CDH8: variants seen among roughly 807,000 people sequenced by gnomAD.
The protein encoded by CDH8 is cadherin-8.
A neutral mutation model predicts 68.1 loss-of-function variants in CDH8; 17 were observed. The observed-to-expected ratio is 0.25, with a 90% CI of 0.17 to 0.37. The LOEUF is 0.37. Ranked by LOEUF, CDH8 falls within the 10% of genes least tolerant of loss-of-function variation. CDH8 has a pLI of 1.00. For synonymous variants in CDH8, 372 were observed against 365.1 expected (o/e 1.02, Z -0.21); for missense variants, 763 against 999.3 (o/e 0.76, Z 3.19).
chr16:61,755,790 C>T (rs115784433), intron 8 of CDH8, among the ~76,000 whole-genome samples: 9,506 of 149,786 alleles, frequency 0.063, 1,036 homozygotes, highest in African/African-American at 0.22. Flanking sequence ...TCTCCTTCTC[C>T]GCCTTCTTCT....
intron 4 of CDH8, among the ~76,000 whole-genome samples, chr16:61,854,848 G>A (rs1043767758): frequency 6.6e-6 from 1 of 151,978 alleles, no homozygotes; most frequent in African/African-American, 2.4e-5. Context: ...CTCAAAGATA[G>A]AGTCTAATTT....
At chr16:61,993,137 T>G (rs936854783) in intron 2 of CDH8, among the ~76,000 whole-genome samples, 2 of 152,070 alleles carry the variant, frequency 1.3e-5, no homozygotes, top group East Asian at 1.9e-4. Context: ...CAAAGAAAAT[T>G]TTTCTATGTA....
At position 61,931,304 on chromosome 16, in the gene CDH8, C is replaced by T. The variant is rs138887584; in HGVS notation, c.253-29831G>A. Among the ~76,000 whole-genome samples, 153 of 152,154 alleles carry T rather than the reference C, an allele frequency of 1.0e-3. 2 individuals are homozygous for T. The East Asian group carries it at 0.023, about 23-fold the overall frequency. On this transcript the variant is annotated intron_variant, in intron 2 of 11. Coordinates refer to ENST00000577390, the MANE Select transcript of CDH8 (RefSeq NM_001796.5). ...TCAGCCTTCCGAGTAGCTGAGGCCA[C>T]GAGTGCACACAACCATGCACAGCTA...
chr16:61,842,886 T>C (rs573470741), intron 4 of CDH8, among the ~76,000 whole-genome samples: 50 of 152,316 alleles, frequency 3.3e-4, no homozygotes, highest in South Asian at 4.1e-4. Flanking sequence ...TGACATTTAC[T>C]GAAATGGTTG....
At chr16:61,972,545 CT>C (rs1011713878) in intron 2 of CDH8, among the ~76,000 whole-genome samples, 4 of 135,422 alleles carry the variant, frequency 3.0e-5, no homozygotes, top group African/African-American at 9.2e-5. Flanking sequence ...GAAAAATTGT[CT>C]TTTTTTTTCT....
chr16:62,015,401 G>T (rs1462304732), intron 2 of CDH8, among the ~76,000 whole-genome samples: 3 of 152,128 alleles, frequency 2.0e-5, no homozygotes, highest in African/African-American at 4.8e-5. Context: ...GCATGTGTGT[G>T]TGTGTTTGTG....
chr16:61,837,931 C>G (rs566796414), intron 4 of CDH8, among the ~76,000 whole-genome samples: 2 of 151,950 alleles, frequency 1.3e-5, no homozygotes, highest in African/African-American at 2.4e-5. Flanking sequence ...GTCTGACCTT[C>G]CTTGGAGGGA....
At chr16:61,709,482 A>G (rs375705204) in intron 10 of CDH8, among the ~76,000 whole-genome samples, 1 of 152,232 alleles carries the variant, frequency 6.6e-6, no homozygotes, top group East Asian at 1.9e-4. Flanking sequence ...CAGGCAGCAA[A>G]TTTTGGTTTT....
intron 7 of CDH8, among the ~76,000 whole-genome samples, chr16:61,807,492 C>G (rs1961820490): frequency 6.6e-6 from 1 of 151,384 alleles, no homozygotes; most frequent in South Asian, 2.1e-4. Flanking sequence ...AAACAAAAAA[C>G]AAAAAACAAA....
intron 8 of CDH8, among the ~76,000 whole-genome samples, chr16:61,740,008 A>G (rs937225413): frequency 2.0e-5 from 3 of 150,536 alleles, no homozygotes; most frequent in Non-Finnish European, 4.4e-5. Context: ...CCCGGGTTCA[A>G]GTGATTCTCC....
intron 2 of CDH8, among the ~76,000 whole-genome samples, chr16:61,993,126 T>C (rs551864595): frequency 1.3e-5 from 2 of 152,186 alleles, no homozygotes; most frequent in African/African-American, 2.4e-5. Context: ...TGTATTGGGC[T>C]CAAAGAAAAT....
Position 61,661,155 on chromosome 16 carries a change from A to G in CDH8, c.1655-5434T>C, listed in dbSNP as rs529840148. On this transcript the variant is annotated intron_variant, in intron 10 of 11. Coordinates refer to ENST00000577390, the MANE Select transcript of CDH8 (RefSeq NM_001796.5). Reference sequence around the variant, plus strand: ...ATAAAATATCTAGAAATTAAAAAGTAATAGTGGCATACTCTAATATCTCAC... The same window carrying G: ...ATAAAATATCTAGAAATTAAAAAGTGATAGTGGCATACTCTAATATCTCAC... Among the ~76,000 whole-genome samples the G allele has an allele frequency of 3.1e-3, 477 of 152,180 alleles. 2 individuals carry two copies. The highest frequency in any genetic ancestry group is 0.011 in the African/African-American group (455 of 41,556).
chr16:61,829,957 G>A (rs1036485254), intron 4 of CDH8, among the ~76,000 whole-genome samples: 6 of 151,312 alleles, frequency 4.0e-5, no homozygotes, highest in Admixed American at 3.3e-4. Flanking sequence ...TTCTTTTTGT[G>A]TTGGGCTTAT....
In CDH8 at chr16:61,650,706, T is replaced by TGTGTGTGA. The variant is rs745949180; in HGVS notation, c.*2901_*2902insTCACACAC. On this transcript the variant is annotated 3_prime_UTR_variant, in exon 12 of 12. Transcript: ENST00000577390. ...GTGTGTGTGTGTGTGTGTGTGTGTG[T>TGTGTGTGA]GAGAGAGAGAGAGAGAGAGAGAGAG... 2.6e-5 allele frequency: 3 copies of TGTGTGTGA among 116,594 alleles called. No individual in the cohort carries two copies. The highest frequency in any genetic ancestry group is 6.7e-5 in the African/African-American group (2 of 29,792). 7.2% of individuals were successfully genotyped at this position (116,594 alleles called of 1,614,324 possible).
At chr16:61,814,799 A>G (rs1385555561) in intron 7 of CDH8, among the ~76,000 whole-genome samples, 2 of 152,180 alleles carry the variant, frequency 1.3e-5, no homozygotes, top group Non-Finnish European at 2.9e-5. Flanking sequence ...TGCTCTGGCT[A>G]GTCAGGAAAT....
intron 2 of CDH8, among the ~76,000 whole-genome samples, chr16:61,979,587 T>C (rs1327570030): frequency 6.6e-6 from 1 of 151,986 alleles, no homozygotes; most frequent in Non-Finnish European, 1.5e-5. Flanking sequence ...TAAAAAACCT[T>C]TGTGCCAACT....
intron 10 of CDH8, among the ~76,000 whole-genome samples, chr16:61,683,680 C>A (rs1964053013): frequency 6.6e-6 from 1 of 151,940 alleles, no homozygotes; most frequent in Admixed American, 6.6e-5. Flanking sequence ...GCATTGTATT[C>A]ACTAATATCT....
intron 2 of CDH8, among the ~76,000 whole-genome samples, chr16:61,969,488 A>G (rs1462189754): frequency 6.6e-6 from 1 of 152,234 alleles, no homozygotes; most frequent in African/African-American, 2.4e-5. Flanking sequence ...AATGTATTAA[A>G]TAACTTCCGA....
chr16:61,994,155 T>G (rs930109119), intron 2 of CDH8, among the ~76,000 whole-genome samples: 7 of 152,296 alleles, frequency 4.6e-5, no homozygotes, highest in Non-Finnish European at 1.0e-4. Context: ...CTGTTTGCCA[T>G]TTTTAAATTG....
Sources: allele counts gnomAD v4.1 joint callset (sites outside exome capture counted in the v4.1 genomes callset), GRCh38; gene constraint gnomAD v4.1.1; transcripts MANE v1.5; gene names NCBI Gene and HGNC (gene_info 2026-07-23, HGNC 2026-07-21).